Variants in HBEGF observed in about 807,000 individuals in gnomAD.
HBEGF encodes heparin binding EGF like growth factor.
HBEGF carries 8 observed loss-of-function variants against 19.5 expected under a neutral mutation model. The observed-to-expected ratio is 0.41, with a 90% CI of 0.24 to 0.74. HBEGF has a LOEUF of 0.74. Ranked by LOEUF, HBEGF falls within the 30% of genes least tolerant of loss-of-function variation. HBEGF has a pLI of 0.32. For missense variants in HBEGF, 207 were observed against 256.9 expected (o/e 0.81, Z 1.33); for synonymous variants, 97 against 108.9 (o/e 0.89, Z 0.68).
In HBEGF at chr5:140,335,933, C is replaced by G; in HGVS notation, c.493G>C (p.Val165Leu). The change falls in exon 4 of 6, where the codon GTG becomes CTG. Residue 165 changes from valine (V) to leucine (L), a missense_variant. Val to Leu is a conservative substitution (Grantham distance 32, BLOSUM62 1). Transcript: ENST00000230990. ...ACAGATGACAGCACCACAGCCACCA[C>G]GGCCAGGATGGTTGTGTGGTCATAG... ...YTYDHTTILAVVAVVLSSVCL... is the reference protein window; with the variant it reads ...YTYDHTTILALVAVVLSSVCL... 1.2e-6 allele frequency: 2 copies of G among 1,614,154 alleles called. No individual in the cohort carries two copies. Among genetic ancestry groups the G allele is most frequent in the East Asian group, 2.2e-5 (1 of 44,876 alleles).
At chr5:140,340,317 T>A (rs1416092900) in intron 3 of HBEGF, among the ~76,000 whole-genome samples, 1 of 147,512 alleles carries the variant, frequency 6.8e-6, no homozygotes, top group Non-Finnish European at 1.5e-5. Context: ...TGGTGGCTCA[T>A]GCCTGTAATC....
intron 2 of HBEGF, among the ~76,000 whole-genome samples, chr5:140,344,021 G>A (rs932469538): frequency 6.6e-6 from 1 of 151,950 alleles, no homozygotes; most frequent in Non-Finnish European, 1.5e-5. Flanking sequence ...GCCTGTTATC[G>A]CAGCTACTCA....
chr5:140,344,238 T>G (rs1766359486), intron 2 of HBEGF, among the ~76,000 whole-genome samples: 1 of 151,836 alleles, frequency 6.6e-6, no homozygotes, highest in Non-Finnish European at 1.5e-5. Context: ...TGGACTTCAC[T>G]CCAATGTCCT....
At chr5:140,343,910 G>A (rs1208215815) in intron 2 of HBEGF, among the ~76,000 whole-genome samples, 1 of 152,246 alleles carries the variant, frequency 6.6e-6, no homozygotes, top group East Asian at 1.9e-4. Flanking sequence ...GCTGAGGCAG[G>A]TGGATCACCT....
At chr5:140,339,024 G>C (rs1766269524) in intron 3 of HBEGF, among the ~76,000 whole-genome samples, 1 of 152,188 alleles carries the variant, frequency 6.6e-6, no homozygotes, top group Non-Finnish European at 1.5e-5. Flanking sequence ...AAAACACAGG[G>C]ATAAGAAATG....
chr5:140,336,142 A>C, intron 3 of HBEGF, 115 bp from the exon 4 acceptor site: 4 of 1,035,632 alleles, frequency 3.9e-6, no homozygotes, highest in Non-Finnish European at 5.6e-6. Context: ...TCAATCCCTG[A>C]CCACGATCCC....
chr5:140,345,779 C>T (rs1203719875), intron 2 of HBEGF, 132 bp downstream of exon 2: 2 of 1,064,520 alleles, frequency 1.9e-6, no homozygotes, highest in Admixed American at 2.2e-5. Flanking sequence ...GCCCATCAGG[C>T]CGATCAGCTT....
intron 3 of HBEGF, among the ~76,000 whole-genome samples, chr5:140,341,531 G>A (rs1053560555): frequency 2.0e-5 from 3 of 152,212 alleles, no homozygotes; most frequent in African/African-American, 4.8e-5. Flanking sequence ...GACATGGTGG[G>A]GAGTGATGGG....
chr5:140,335,037 A>G (rs1766206585), intron 4 of HBEGF: 1 of 455,852 alleles, frequency 2.2e-6, no homozygotes, highest in Non-Finnish European at 4.0e-6. Flanking sequence ...TACAATCCTC[A>G]GAAAGACAGT....
rs781334779 is a variant in HBEGF, at chr5:140,335,994, A to G, written c.432T>C (p.His144=). 1.4e-5 allele frequency: 22 copies of G among 1,614,034 alleles called. No homozygotes were observed. The South Asian group carries it at 2.3e-4, about 17-fold the overall frequency. The stretch of plus-strand genomic sequence containing the variant: ...GATTTTCCACTGGGAGGCTCAGCCC[A>G]TGACACCTCTCTCCATGGTAACCCG... The part of the protein sequence containing the change: ...CHPGYHGERC[H]GLSLPVENRL... Residue 144 remains histidine (H), a synonymous_variant, in exon 4 of 6, where the codon CAT becomes CAC. Coordinates refer to ENST00000230990, the MANE Select transcript of HBEGF (RefSeq NM_001945.3).
chr5:140,340,703 A>G (rs1766297593), intron 3 of HBEGF, among the ~76,000 whole-genome samples: 1 of 152,150 alleles, frequency 6.6e-6, no homozygotes, highest in Non-Finnish European at 1.5e-5. Flanking sequence ...GACTAGTAAA[A>G]GAATAAGAGA....
At chr5:140,343,888 A>G (rs1037603319) in intron 2 of HBEGF, among the ~76,000 whole-genome samples, 1 of 152,206 alleles carries the variant, frequency 6.6e-6, no homozygotes, top group Non-Finnish European at 1.5e-5. Context: ...TGTAATCCCA[A>G]CACTTTGGGA....
At chr5:140,336,628 C>T (rs1766231274) in intron 3 of HBEGF, among the ~76,000 whole-genome samples, 1 of 152,212 alleles carries the variant, frequency 6.6e-6, no homozygotes, top group Non-Finnish European at 1.5e-5. Context: ...CAGGGCCCAA[C>T]TTGGGAGCTC....
rs1766219792 is a variant in HBEGF, at chr5:140,335,856, G to C, written c.554+16C>G. 1.2e-6 allele frequency: 2 copies of C among 1,612,042 alleles called. No individual in the cohort carries two copies. Among genetic ancestry groups the C allele is most frequent in the African/African-American group, 2.7e-5 (2 of 74,896 alleles). The stretch of plus-strand genomic sequence containing the variant: ...GTGATTTGCAGAAACAGCCTGCAGG[G>C]GACCCCAACACTCACCTAAACATGA... On this transcript the variant is annotated intron_variant, in intron 4 of 5. Transcript: ENST00000230990.
chr5:140,334,405 G>A (rs560425020), intron 5 of HBEGF, 125 bp from the exon 6 acceptor site: 41 of 482,524 alleles, frequency 8.5e-5, no homozygotes, highest in Middle Eastern at 1.0e-3. Context: ...TCCCAGGGGA[G>A]GAGAGGGGAG....
At chr5:140,342,943 G>C (rs923469259) in intron 2 of HBEGF, 131 bp from the exon 3 acceptor site, 1 of 879,236 alleles carries the variant, frequency 1.1e-6, no homozygotes, top group African/African-American at 1.7e-5. Context: ...CCTTAGCTCA[G>C]TGCCTCCTAA....
At position 140,334,176 on chromosome 5, in the gene HBEGF, G is replaced by A. The variant is rs4150237; in HGVS notation, c.*123C>T. 8,604 of 155,254 alleles carry A rather than the reference G, an allele frequency of 0.055. 239 individuals are homozygous for A. The highest frequency in any genetic ancestry group is 0.1 in the Middle Eastern group (31 of 298). The allele number at this position is 155,254 out of a possible 1,614,324, so 9.6% of individuals were successfully genotyped here. A position where few individuals can be genotyped will look rare whatever the true frequency, so the allele number is the denominator to read the frequency against. ...AATTATGGGAGGCCCAATCCTAGAC[G>A]GCAACTGGGGACGAAGGAGTCTTTG... On this transcript the variant is annotated 3_prime_UTR_variant, in exon 6 of 6. Coordinates refer to ENST00000230990, the MANE Select transcript of HBEGF (RefSeq NM_001945.3).
chr5:140,340,427 A>G (rs981618599), intron 3 of HBEGF, among the ~76,000 whole-genome samples: 5 of 152,108 alleles, frequency 3.3e-5, no homozygotes, highest in Non-Finnish European at 7.4e-5. Flanking sequence ...TAAAAATATA[A>G]AAATTATTAA....
Position 140,346,200 on chromosome 5 carries a change from G to C in HBEGF, c.46+83C>G, listed in dbSNP as rs1766397480. The C allele has an allele frequency of 6.4e-7, 1 of 1,554,722 alleles. No individual in the cohort carries two copies. The highest frequency in any genetic ancestry group is 1.4e-5 in the African/African-American group (1 of 73,236). ...GGCCCCACCAAGTGGCCCGTGCCGGGTGCGCTGCGGCGACCTTCCCCCATG... is the reference window on the plus strand; with the variant it reads ...GGCCCCACCAAGTGGCCCGTGCCGGCTGCGCTGCGGCGACCTTCCCCCATG... On this transcript the variant is annotated intron_variant, in intron 1 of 5. Coordinates refer to ENST00000230990, the MANE Select transcript of HBEGF (RefSeq NM_001945.3). This position sits in a 1 kb window ranked among gnomAD's most constrained non-coding sequence, Gnocchi z 6.1.
Sources: allele counts gnomAD v4.1 joint callset (sites outside exome capture counted in the v4.1 genomes callset), GRCh38; gene constraint gnomAD v4.1.1; non-coding constraint Gnocchi (gnomAD v3.1); transcripts MANE v1.5; gene names NCBI Gene and HGNC (gene_info 2026-07-23, HGNC 2026-07-21).